ERC2: variants seen among roughly 807,000 people sequenced by gnomAD.
ERC2 encodes the protein ERC protein 2.
ERC2 carries 42 observed loss-of-function variants against 114.8 expected under a neutral mutation model. That is an observed-to-expected ratio of 0.37 (90% confidence interval 0.29 to 0.47). ERC2 has a LOEUF of 0.47. Ranked by LOEUF, ERC2 falls within the 20% of genes least tolerant of loss-of-function variation. ERC2 has a pLI of 0.99. For missense variants in ERC2, 939 were observed against 1,150.7 expected, an observed-to-expected ratio of 0.82 and a Z score of 2.66; for synonymous variants, 454 against 425.5, an observed-to-expected ratio of 1.07 and a Z score of -0.82.
chr3:56,012,656 C>T (rs895701864), intron 8 of ERC2, among the ~76,000 whole-genome samples: 6 of 152,156 alleles, frequency 3.9e-5, no homozygotes, highest in Admixed American at 2.6e-4. Context: ...TCTAAGCACT[C>T]GTACTATTGA....
chr3:55,715,873 T>C (rs1176694346), intron 15 of ERC2, among the ~76,000 whole-genome samples: 1 of 152,180 alleles, frequency 6.6e-6, no homozygotes, highest in Admixed American at 6.5e-5. Context: ...AGCTGTACAA[T>C]GGAAGGAAGC....
At chr3:55,829,369 G>T (rs971722956) in intron 14 of ERC2, among the ~76,000 whole-genome samples, 3 of 152,134 alleles carry the variant, frequency 2.0e-5, no homozygotes, top group South Asian at 2.1e-4. Context: ...TTTAAAAATT[G>T]TTGGATATCT....
At chr3:55,610,942 G>T (rs1024896051) in intron 17 of ERC2, 18 of 152,162 alleles carry the variant, frequency 1.2e-4, no homozygotes, top group African/African-American at 4.3e-4. Context: ...GAACTTTAAG[G>T]TTATTGCTGG....
At chr3:55,516,661 T>C (rs73075483) in intron 17 of ERC2, among the ~76,000 whole-genome samples, 22,463 of 152,220 alleles carry the variant, frequency 0.15, 2,056 homozygotes, top group Non-Finnish European at 0.21. Flanking sequence ...TTGGTTTCTG[T>C]GCACGGGGTA....
rs530350648 is a variant in ERC2 at position 56,264,056 on chromosome 3, T to C, written c.1074+31963A>G. 3.9e-5 allele frequency among the ~76,000 whole-genome samples: 6 copies of C among 152,278 alleles called. 1 individual carries two copies. Among genetic ancestry groups the C allele is most frequent in the African/African-American group, 1.4e-4 (6 of 41,544 alleles). The stretch of plus-strand genomic sequence containing the variant: ...AACAGAATGAGGGCTAAAAACCATA[T>C]GATCATCTCAATATATGCACAAAAA... On this transcript the variant is annotated intron_variant, in intron 3 of 17. Transcript: ENST00000288221.
chr3:55,518,679 A>G (rs1448590449), intron 17 of ERC2, among the ~76,000 whole-genome samples: 3 of 152,234 alleles, frequency 2.0e-5, no homozygotes, highest in Non-Finnish European at 4.4e-5. Context: ...TAAGGCAATG[A>G]AGTAGTTACT....
chr3:56,046,379 C>G (rs1426196035), intron 7 of ERC2, among the ~76,000 whole-genome samples: 2 of 152,164 alleles, frequency 1.3e-5, no homozygotes, highest in Non-Finnish European at 2.9e-5. Context: ...GTAAGCTCCT[C>G]CTCCCTTGCA....
At chr3:55,723,067 C>A (rs1054492841) in intron 15 of ERC2, among the ~76,000 whole-genome samples, 4 of 152,148 alleles carry the variant, frequency 2.6e-5, no homozygotes, top group Non-Finnish European at 4.4e-5. Context: ...AGAAACAAAT[C>A]AAAATCCCCA....
At chr3:56,383,065 C>T (rs2059810375) in intron 2 of ERC2, among the ~76,000 whole-genome samples, 1 of 152,006 alleles carries the variant, frequency 6.6e-6, no homozygotes, top group Non-Finnish European at 1.5e-5. Context: ...AGTAAATCTA[C>T]CCAGCTTTAT....
intron 7 of ERC2, among the ~76,000 whole-genome samples, chr3:56,040,015 T>C: frequency 6.6e-6 from 1 of 152,064 alleles, no homozygotes; most frequent in East Asian, 1.9e-4. Flanking sequence ...AAGACTTAAA[T>C]ACAAGAGCTG....
intron 2 of ERC2, among the ~76,000 whole-genome samples, chr3:56,418,632 C>T (rs2061265525): frequency 6.6e-6 from 1 of 152,176 alleles, no homozygotes; most frequent in Non-Finnish European, 1.5e-5. Context: ...ATATATGTGG[C>T]CTTTGGCTTT....
At chr3:56,399,981 C>T (rs2060461084) in intron 2 of ERC2, among the ~76,000 whole-genome samples, 3 of 151,490 alleles carry the variant, frequency 2.0e-5, no homozygotes, top group Non-Finnish European at 4.4e-5. Flanking sequence ...TTAACCAACA[C>T]AATGTGTGGT....
intron 7 of ERC2, among the ~76,000 whole-genome samples, chr3:56,033,015 G>C (rs542368052): frequency 1.0e-5 from 1 of 98,796 alleles, no homozygotes; most frequent in Non-Finnish European, 2.1e-5. Flanking sequence ...AAGAAAGAAA[G>C]AAAGAAAAAA....
chr3:56,391,109 C>T (rs1475828842), intron 2 of ERC2, among the ~76,000 whole-genome samples: 1 of 152,122 alleles, frequency 6.6e-6, no homozygotes, highest in Non-Finnish European at 1.5e-5. Flanking sequence ...AGCAATCAGA[C>T]CACAACATAC....
chr3:55,980,761 T>C (rs767918292), intron 12 of ERC2, among the ~76,000 whole-genome samples: 26 of 150,854 alleles, frequency 1.7e-4, no homozygotes, highest in Non-Finnish European at 3.7e-4. Flanking sequence ...AAAAAAAAAG[T>C]ACAGATGAAT....
chr3:55,816,104 A>T (rs370231519), intron 14 of ERC2, among the ~76,000 whole-genome samples: 6 of 152,352 alleles, frequency 3.9e-5, no homozygotes, highest in African/African-American at 1.4e-4. Context: ...AGAGGAAAGC[A>T]ATCTGATAAC....
rs144639226 is a variant in ERC2, at chr3:56,208,604, G to C, written c.1075-35084C>G. Among the ~76,000 whole-genome samples, 9 of 152,272 alleles carry C rather than the reference G, an allele frequency of 5.9e-5. No homozygotes were observed. In the East Asian group the frequency reaches 1.7e-3, roughly 30 times the overall value. ...AAAATAAGTAGCAATTCCTGAAGAA[G>C]GGGGACATTTGTGCTGCTCTTCACA... On this transcript the variant is annotated intron_variant, in intron 3 of 17. Coordinates refer to ENST00000288221, the MANE Select transcript of ERC2 (RefSeq NM_015576.3).
At chr3:56,356,698 CTCCTCT>C (rs2058757771) in intron 2 of ERC2, among the ~76,000 whole-genome samples, 1 of 152,126 alleles carries the variant, frequency 6.6e-6, no homozygotes, top group African/African-American at 2.4e-5. Flanking sequence ...CCAAGTGAAC[CTCCTCT>C]AAGAAGCTAA....
At chr3:56,189,096 C>T (rs555637602) in intron 3 of ERC2, among the ~76,000 whole-genome samples, 4 of 152,302 alleles carry the variant, frequency 2.6e-5, no homozygotes, top group Admixed American at 1.3e-4. Context: ...ATGGAGCAGC[C>T]TAAGACCAGA....
Sources: gnomAD v4.1 joint callset for allele counts (sites outside exome capture counted in the v4.1 genomes callset) on GRCh38, gnomAD v4.1.1 for gene constraint, MANE v1.5 for transcripts, NCBI Gene and HGNC (gene_info 2026-07-23, HGNC 2026-07-21) for gene names.